ZFPM2: variants seen among roughly 807,000 people sequenced by gnomAD.
ZFPM2 encodes the protein zinc finger protein ZFPM2.
A neutral mutation model predicts 98.6 loss-of-function variants in ZFPM2; 20 were observed. The observed-to-expected ratio is 0.20, with a 90% CI of 0.14 to 0.29. The LOEUF is 0.29. ZFPM2 is among the 10% of genes least tolerant of loss of function. ZFPM2 has a pLI of 1.00. For synonymous variants in ZFPM2, 518 were observed against 502.7 expected (o/e 1.03, Z -0.41); for missense variants, 1,310 against 1,388.6 (o/e 0.94, Z 0.90).
At chr8:105,694,679 G>T (rs1208090109) in intron 5 of ZFPM2, among the ~76,000 whole-genome samples, 2 of 152,010 alleles carry the variant, frequency 1.3e-5, no homozygotes, top group African/African-American at 2.4e-5. Context: ...AATGTCTTTA[G>T]GTCCTCCTTT....
chr8:105,402,380 TATTA>T (rs1811357325), intron 1 of ZFPM2, among the ~76,000 whole-genome samples: 2 of 152,152 alleles, frequency 1.3e-5, no homozygotes, highest in South Asian at 4.1e-4. Flanking sequence ...TTGAATGTAT[TATTA>T]ATTCTTGTTT....
intron 4 of ZFPM2, among the ~76,000 whole-genome samples, chr8:105,618,832 A>T (rs1054640736): frequency 2.6e-5 from 4 of 152,168 alleles, no homozygotes; most frequent in African/African-American, 4.8e-5. Flanking sequence ...ACAAAATTTT[A>T]AACTATCTTT....
chr8:105,417,423 T>C (rs542107424), intron 1 of ZFPM2, among the ~76,000 whole-genome samples: 1 of 152,260 alleles, frequency 6.6e-6, no homozygotes, highest in South Asian at 2.1e-4. Flanking sequence ...AGAAAGTGCT[T>C]TGAAACTCTT....
intron 4 of ZFPM2, among the ~76,000 whole-genome samples, chr8:105,602,249 T>C (rs1586492182): frequency 6.6e-6 from 1 of 152,100 alleles, no homozygotes; most frequent in East Asian, 1.9e-4. Flanking sequence ...AAGTGCTCAC[T>C]ACAATTGGTG....
chr8:105,803,597 C>T lies in ZFPM2; in HGVS notation c.*59C>T. 2.7e-6 allele frequency: 4 copies of T among 1,493,818 alleles called. No homozygotes were observed. Among genetic ancestry groups the T allele is most frequent in the Non-Finnish European group, 3.6e-6 (4 of 1,101,972 alleles). The allele number at this position is 1,493,818 out of a possible 1,614,324, so 92.5% of individuals were successfully genotyped here. A position where few individuals can be genotyped will look rare whatever the true frequency, so the allele number is the denominator to read the frequency against. On this transcript the variant is annotated 3_prime_UTR_variant, in exon 8 of 8. Transcript: ENST00000407775. Reference sequence around the variant, plus strand: ...GTTTAGTATGTTGTTCTAACCAGTCCAGAAAAAAAAATAAGCTGTTTGAAT... The same window carrying T: ...GTTTAGTATGTTGTTCTAACCAGTCTAGAAAAAAAAATAAGCTGTTTGAAT...
intron 3 of ZFPM2, among the ~76,000 whole-genome samples, chr8:105,516,484 TA>T (rs1813924186): frequency 6.6e-6 from 1 of 152,242 alleles, no homozygotes; most frequent in Non-Finnish European, 1.5e-5. Flanking sequence ...TACTTTTAGA[TA>T]ACCCTGAATA....
chr8:105,413,690 G>C (rs75237652), intron 1 of ZFPM2, among the ~76,000 whole-genome samples: 2 of 151,700 alleles, frequency 1.3e-5, no homozygotes, highest in Non-Finnish European at 2.9e-5. Context: ...ACAGGAGCTG[G>C]CAACTTGGGA....
chr8:105,730,776 C>CTTTTTTTTTTTTTT (rs201573898), intron 5 of ZFPM2, among the ~76,000 whole-genome samples: 1 of 124,390 alleles, frequency 8.0e-6, no homozygotes. Context: ...TTTCTTTTTT[C>CTTTTTTTTTTTTTT]TTTTTTTTTT....
At chr8:105,456,005 C>G (rs1477101081) in intron 3 of ZFPM2, among the ~76,000 whole-genome samples, 2 of 151,978 alleles carry the variant, frequency 1.3e-5, no homozygotes, top group African/African-American at 4.8e-5. Context: ...AAATATAAAC[C>G]AGAGGGCTGC....
chr8:105,396,531 A>G (rs1811221514), intron 1 of ZFPM2, among the ~76,000 whole-genome samples: 2 of 152,200 alleles, frequency 1.3e-5, no homozygotes, highest in Admixed American at 6.5e-5. Flanking sequence ...CTTTGAGAGT[A>G]ATACATGTTC....
chr8:105,665,760 G>A (rs1262197087), intron 5 of ZFPM2, among the ~76,000 whole-genome samples: 1 of 152,058 alleles, frequency 6.6e-6, no homozygotes, highest in Non-Finnish European at 1.5e-5. Flanking sequence ...TCAAACTTCT[G>A]TTACTTCATT....
intron 5 of ZFPM2, among the ~76,000 whole-genome samples, chr8:105,755,638 A>G (rs1050989096): frequency 2.6e-5 from 4 of 152,162 alleles, no homozygotes; most frequent in Non-Finnish European, 5.9e-5. Flanking sequence ...GTACAACTAT[A>G]TACTCTAATG....
intron 2 of ZFPM2, among the ~76,000 whole-genome samples, chr8:105,434,741 C>T (rs1253165752): frequency 6.6e-6 from 1 of 152,138 alleles, no homozygotes; most frequent in Admixed American, 6.6e-5. Context: ...AGTAACACTC[C>T]TAGTCAAGAA....
At chr8:105,444,481 T>C (rs2130217854) in intron 3 of ZFPM2, 100 bp downstream of exon 3, 1 of 766,400 alleles carries the variant, frequency 1.3e-6, no homozygotes, top group Non-Finnish European at 2.1e-6. Context: ...AAAATGTTTT[T>C]GTGTGTGCTG....
intron 2 of ZFPM2, among the ~76,000 whole-genome samples, chr8:105,420,971 A>T (rs1333884875): frequency 6.6e-6 from 1 of 152,150 alleles, no homozygotes; most frequent in Non-Finnish European, 1.5e-5. Context: ...GTTAAGGGCT[A>T]TGTTTAATGA....
chr8:105,602,987 T>C (rs1043436815), intron 4 of ZFPM2, among the ~76,000 whole-genome samples: 3 of 152,146 alleles, frequency 2.0e-5, no homozygotes, highest in Admixed American at 6.6e-5. Context: ...TATTTTAACC[T>C]ATGTAACAAA....
chr8:105,337,168 T>C (rs1812342573), intron 1 of ZFPM2, among the ~76,000 whole-genome samples: 1 of 151,756 alleles, frequency 6.6e-6, no homozygotes, highest in African/African-American at 2.4e-5. Flanking sequence ...ATCAACACGT[T>C]ATGGTATGGC....
At chr8:105,742,960 G>A (rs188465980) in intron 5 of ZFPM2, among the ~76,000 whole-genome samples, 1 of 152,170 alleles carries the variant, frequency 6.6e-6, no homozygotes, top group African/African-American at 2.4e-5. Context: ...AGCAAATTGG[G>A]AGAGAATACA....
intron 5 of ZFPM2, among the ~76,000 whole-genome samples, chr8:105,717,216 A>C (rs139414954): frequency 6.6e-6 from 1 of 152,152 alleles, no homozygotes; most frequent in Non-Finnish European, 1.5e-5. Context: ...CCACTGGGTC[A>C]GAGAAAAGCA....
Sources: allele counts gnomAD v4.1 joint callset (sites outside exome capture counted in the v4.1 genomes callset), GRCh38; gene constraint gnomAD v4.1.1; transcripts MANE v1.5; gene names NCBI Gene and HGNC (gene_info 2026-07-23, HGNC 2026-07-21).